Variants in COA1 observed in about 807,000 individuals in gnomAD.
The protein encoded by COA1 is cytochrome c oxidase assembly factor 1, also known as cytochrome c oxidase assembly factor 1 homolog.
COA1 carries 13 observed loss-of-function variants against 16.0 expected under a neutral mutation model. That is an observed-to-expected ratio of 0.81 (90% CI 0.53 to 1.29). The LOEUF (loss-of-function observed/expected upper bound fraction) is 1.29, where lower values mean the gene tolerates loss of function less well. Ranked by LOEUF, COA1 falls within the 50% of genes most tolerant of loss-of-function variation. The pLI is 0.00. For missense variants in COA1, 179 were observed against 177.0 expected, an observed-to-expected ratio of 1.01 and a Z score of -0.06; for synonymous variants, 65 against 65.7, an observed-to-expected ratio of 0.99 and a Z score of 0.05.
At chr7:43,615,472 C>T (rs2083261884) in intron 6 of COA1, among the ~76,000 whole-genome samples, 2 of 151,092 alleles carry the variant, frequency 1.3e-5, no homozygotes, top group South Asian at 4.2e-4. Flanking sequence ...CCACTGCGCC[C>T]AGCCCTTTTG....
downstream of COA1, among the ~76,000 whole-genome samples, chr7:43,638,274 T>C (rs1395976614): frequency 1.3e-5 from 2 of 151,700 alleles, no homozygotes; most frequent in African/African-American, 2.4e-5. Flanking sequence ...ATATTAAGAA[T>C]GTAGGAAGAG....
chr7:43,610,823 A>G (rs1357472913), intron 6 of COA1, among the ~76,000 whole-genome samples: 2 of 151,026 alleles, frequency 1.3e-5, no homozygotes, highest in Non-Finnish European at 3.0e-5. Context: ...CACTCTCAAG[A>G]AGGAGTGTAC....
At chr7:43,691,486 A>G (rs537247094) in intron 1 of COA1, among the ~76,000 whole-genome samples, 2 of 151,602 alleles carry the variant, frequency 1.3e-5, no homozygotes, top group African/African-American at 4.9e-5. Context: ...AGAAATTATC[A>G]TCAATATAAC....
chr7:43,658,273 G>C (rs980786384), intron 1 of COA1, among the ~76,000 whole-genome samples: 3 of 151,750 alleles, frequency 2.0e-5, no homozygotes, highest in Admixed American at 6.6e-5. Context: ...GCAGGAGAAT[G>C]GCGTGAACTT....
At chr7:43,612,611 G>A (rs1402794950) in intron 6 of COA1, among the ~76,000 whole-genome samples, 1 of 152,156 alleles carries the variant, frequency 6.6e-6, no homozygotes, top group Non-Finnish European at 1.5e-5. Context: ...TGGTTAAAAT[G>A]GGAAACTCCT....
At position 43,728,221 on chromosome 7, in the gene COA1, G is replaced by A. The variant is rs561138391; in HGVS notation, c.-39+1208C>T. Among the ~76,000 whole-genome samples, 7 of 152,220 alleles carry A rather than the reference G, an allele frequency of 4.6e-5. No individual in the cohort carries two copies. In the South Asian group the frequency reaches 8.3e-4, roughly 18 times the overall value. ...GATCTCCTGACCTCGTGATCCACCC[G>A]CCTCGGCCTCCCAAAGTGCTGGGAT... On this transcript the variant is annotated intron_variant, in intron 1 of 5. Coordinates refer to ENST00000223336, the MANE Select transcript of COA1 (RefSeq NM_018224.4).
At chr7:43,711,647 A>G (rs949762526) in intron 1 of COA1, among the ~76,000 whole-genome samples, 5 of 152,248 alleles carry the variant, frequency 3.3e-5, no homozygotes, top group Non-Finnish European at 7.3e-5. Flanking sequence ...GCGTGTACTT[A>G]CACAAACCTA....
At chr7:43,624,480 TC>T (rs1563170151) in intron 6 of COA1, 1 of 1,547,332 alleles carries the variant, frequency 6.5e-7, no homozygotes, top group Non-Finnish European at 8.7e-7. Context: ...TAATTGAAGT[TC>T]TAACATGTCT....
At chr7:43,630,254 G>A (rs1309102182) in intron 6 of COA1, among the ~76,000 whole-genome samples, 2 of 152,074 alleles carry the variant, frequency 1.3e-5, no homozygotes, top group Non-Finnish European at 2.9e-5. Flanking sequence ...ACAGTCCTTT[G>A]GGGAGCAGCT....
At chr7:43,619,538 A>G in intron 6 of COA1, 4 of 1,573,932 alleles carry the variant, frequency 2.5e-6, no homozygotes, top group Non-Finnish European at 1.7e-6. Flanking sequence ...TATGGGCTGC[A>G]TGTTTTGTGT....
chr7:43,645,328 C>A lies in COA1; in HGVS notation c.187G>T (p.Ala63Ser). The A allele has an allele frequency of 1.9e-6, 3 of 1,613,984 alleles. No homozygotes were observed. The highest frequency in any genetic ancestry group is 2.5e-6 in the Non-Finnish European group (3 of 1,179,874). ...QLQSHPEAQEALGPPLNIHYL... is the reference protein window; with the variant it reads ...QLQSHPEAQESLGPPLNIHYL... ...TGGATGTTGAGAGGAGGGCCCAGAG[C>A]TTCCTGTGCCTCGGGATGGCTCTGC... Residue 63 changes from alanine to serine, a missense_variant, in exon 4 of 6, where the codon GCT becomes TCT. Transcript: ENST00000223336.
chr7:43,626,396 T>C (rs1469393173), intron 6 of COA1: 3 of 152,248 alleles, frequency 2.0e-5, no homozygotes, highest in Non-Finnish European at 4.4e-5. Flanking sequence ...GAGTGCCCTT[T>C]ACACCATTAG....
intron 1 of COA1, among the ~76,000 whole-genome samples, chr7:43,689,782 T>C (rs2094192579): frequency 6.6e-6 from 1 of 152,142 alleles, no homozygotes; most frequent in Non-Finnish European, 1.5e-5. Context: ...TGTTGTAAGG[T>C]TCTTGTATGA....
intron 1 of COA1, among the ~76,000 whole-genome samples, chr7:43,697,460 A>AT (rs2094567438): frequency 4.6e-5 from 7 of 151,906 alleles, no homozygotes; most frequent in Admixed American, 4.6e-4. Context: ...TTCCCAGCTA[A>AT]TTTTTGTATT....
chr7:43,623,490 A>G (rs2084136222), intron 6 of COA1: 1 of 1,178,878 alleles, frequency 8.5e-7, no homozygotes, highest in South Asian at 1.3e-5. Flanking sequence ...TATAGTTTCT[A>G]ATGCTTAGTT....
intron 1 of COA1, among the ~76,000 whole-genome samples, chr7:43,683,693 C>T (rs1479694435): frequency 6.6e-6 from 1 of 152,002 alleles, no homozygotes; most frequent in Non-Finnish European, 1.5e-5. Context: ...AAATTTAGTA[C>T]CTTTACTATG....
intron 1 of COA1, among the ~76,000 whole-genome samples, chr7:43,711,635 T>C (rs1384827862): frequency 6.6e-6 from 1 of 152,202 alleles, no homozygotes; most frequent in Non-Finnish European, 1.5e-5. Flanking sequence ...GTGAACATCA[T>C]AGCGTGTACT....
intron 1 of COA1, among the ~76,000 whole-genome samples, chr7:43,722,774 T>C (rs970590126): frequency 1.3e-5 from 2 of 152,236 alleles, no homozygotes; most frequent in African/African-American, 2.4e-5. Flanking sequence ...AGTTGGGTGC[T>C]TGGCATCTAT....
chr7:43,724,833 G>A (rs1311010600), intron 1 of COA1, among the ~76,000 whole-genome samples: 7 of 152,244 alleles, frequency 4.6e-5, no homozygotes, highest in Admixed American at 4.6e-4. Context: ...CCACTTTTAT[G>A]AGGACCCTAG....
Sources: gnomAD v4.1 joint callset for allele counts (sites outside exome capture counted in the v4.1 genomes callset) on GRCh38, gnomAD v4.1.1 for gene constraint, MANE v1.5 for transcripts, NCBI Gene and HGNC (gene_info 2026-07-23, HGNC 2026-07-21) for gene names.